SCAI: variants seen among roughly 807,000 people sequenced by gnomAD.
SCAI encodes protein SCAI.
A neutral mutation model predicts 92.2 loss-of-function variants in SCAI; 24 were observed. The observed-to-expected ratio is 0.26, with a 90% CI of 0.19 to 0.37. The LOEUF is 0.37. Ranked by LOEUF, SCAI falls within the 10% of genes least tolerant of loss-of-function variation. SCAI has a pLI of 1.00. For synonymous variants in SCAI, 261 were observed against 258.6 expected (o/e 1.01, Z -0.09); for missense variants, 450 against 736.2 (o/e 0.61, Z 4.50).
At chr9:124,981,880 A>C (rs2131601869) in intron 14 of SCAI, among the ~76,000 whole-genome samples, 1 of 152,154 alleles carries the variant, frequency 6.6e-6, no homozygotes, top group South Asian at 2.1e-4. Context: ...CTTGGCCTCT[A>C]GCAATCCTCG....
chr9:124,966,964 T>C (rs764570275), intron 17 of SCAI, among the ~76,000 whole-genome samples: 32 of 151,478 alleles, frequency 2.1e-4, no homozygotes, highest in Non-Finnish European at 3.7e-4. Flanking sequence ...TATTCACCCA[T>C]TGGAAAAGCC....
At chr9:124,977,479 G>T (rs1220343816) in intron 14 of SCAI, among the ~76,000 whole-genome samples, 1 of 152,096 alleles carries the variant, frequency 6.6e-6, no homozygotes, top group Non-Finnish European at 1.5e-5. Context: ...TTTGAGACCA[G>T]CCTGGGCAAA....
At chr9:125,128,501 C>T (rs910532348) in intron 2 of SCAI, among the ~76,000 whole-genome samples, 1 of 152,030 alleles carries the variant, frequency 6.6e-6, no homozygotes, top group African/African-American at 2.4e-5. Context: ...CGCCTGTAAT[C>T]CCAGCACTTT....
intron 2 of SCAI, among the ~76,000 whole-genome samples, chr9:125,071,921 C>G (rs1833986376): frequency 6.6e-6 from 1 of 152,026 alleles, no homozygotes; most frequent in Non-Finnish European, 1.5e-5. Flanking sequence ...GGCAAAAGAA[C>G]AAATTACTTT....
intron 3 of SCAI, among the ~76,000 whole-genome samples, chr9:125,042,612 A>AGTGTGTGTGTGT (rs1221206087): frequency 3.4e-4 from 24 of 71,034 alleles, no homozygotes; most frequent in African/African-American, 8.4e-4. Flanking sequence ...CTTCCACCAG[A>AGTGTGTGTGTGT]GTATGTGTGT....
In SCAI at chr9:125,082,604, C is replaced by T. The variant is rs1014493305; in HGVS notation, c.99-26597G>A. ...CCCATGAAAGCAGCCGGGAGGGACA[C>T]TATACCCTGCAAAGTCACAGGGGCA... On this transcript the variant is annotated intron_variant, in intron 2 of 17. Coordinates refer to ENST00000336505, the MANE Select transcript of SCAI (RefSeq NM_001144877.3). Among the ~76,000 whole-genome samples the T allele has an allele frequency of 2.6e-5, 4 of 152,378 alleles. No homozygotes were observed. In the East Asian group the frequency reaches 5.8e-4, roughly 22 times the overall value.
In SCAI at chr9:124,948,197, A is replaced by G. The variant is rs1254182692; in HGVS notation, c.*4610T>C. ...CTATTGCACAAAGGAAATAAAGGGC[A>G]GTAGCCAGAAGTTGGAGGGGAGGGA... On this transcript the variant is annotated 3_prime_UTR_variant, in exon 18 of 18. Coordinates refer to ENST00000336505, the MANE Select transcript of SCAI (RefSeq NM_001144877.3). 6.6e-6 allele frequency: 1 copy of G among 152,248 alleles called. No individual in the cohort carries two copies. The highest frequency in any genetic ancestry group is 2.4e-5 in the African/African-American group (1 of 41,476). The allele number at this position is 152,248 out of a possible 1,614,324, so 9.4% of individuals were successfully genotyped here. A position where few individuals can be genotyped will look rare whatever the true frequency, so the allele number is the denominator to read the frequency against.
chr9:124,950,272 CAGAGTTGGAGA>C lies in SCAI; in HGVS notation c.*2524_*2534del, dbSNP rs1831213212. 6.6e-6 allele frequency: 1 copy of C among 151,968 alleles called. No individual in the cohort carries two copies. The highest frequency in any genetic ancestry group is 2.4e-5 in the African/African-American group (1 of 41,352). 9.4% of individuals were successfully genotyped at this position (151,968 alleles called of 1,614,324 possible). A position where few individuals can be genotyped will look rare whatever the true frequency, so the allele number is the denominator to read the frequency against. On this transcript the variant is annotated 3_prime_UTR_variant, in exon 18 of 18. Coordinates refer to ENST00000336505, the MANE Select transcript of SCAI (RefSeq NM_001144877.3). The stretch of plus-strand genomic sequence containing the variant: ...GAACCAAGAGTCCAAATTACAGAAT[CAGAGTTGGAGA>C]AGACCTGGGCCAACCTCTTCATTTT...
intron 17 of SCAI, among the ~76,000 whole-genome samples, chr9:124,953,668 C>G (rs903596911): frequency 1.2e-4 from 19 of 152,226 alleles, no homozygotes; most frequent in African/African-American, 4.6e-4. Flanking sequence ...CCGCCTCAGC[C>G]TCCCAAAGTG....
At chr9:124,979,235 G>C (rs114180082) in intron 14 of SCAI, among the ~76,000 whole-genome samples, 73 of 151,946 alleles carry the variant, frequency 4.8e-4, no homozygotes, top group African/African-American at 1.7e-3. Context: ...ATATAACTAA[G>C]AAAACTAAAG....
chr9:124,960,424 T>G (rs117456501), intron 17 of SCAI, among the ~76,000 whole-genome samples: 1,725 of 152,282 alleles, frequency 0.011, 88 homozygotes, highest in Admixed American at 0.083. Context: ...ACAACTGCCA[T>G]GTATTCATCA....
At chr9:124,980,600 G>T (rs1252532603) in intron 14 of SCAI, among the ~76,000 whole-genome samples, 1 of 152,082 alleles carries the variant, frequency 6.6e-6, no homozygotes, top group Non-Finnish European at 1.5e-5. Context: ...TAAAAACCCT[G>T]GTTGCTGAGT....
At chr9:125,033,440 G>C (rs1833124508) in intron 3 of SCAI, among the ~76,000 whole-genome samples, 1 of 151,988 alleles carries the variant, frequency 6.6e-6, no homozygotes, top group South Asian at 2.1e-4. Context: ...GATGTATTAT[G>C]GGAACTAGTA....
At chr9:125,007,548 G>A (rs1588147824) in intron 9 of SCAI, among the ~76,000 whole-genome samples, 1 of 152,072 alleles carries the variant, frequency 6.6e-6, no homozygotes, top group East Asian at 1.9e-4. Context: ...TTTTTGGAAG[G>A]CTGAGGCAGG....
At chr9:125,130,790 G>A (rs1414223539) in intron 2 of SCAI, among the ~76,000 whole-genome samples, 1 of 151,508 alleles carries the variant, frequency 6.6e-6, no homozygotes, top group East Asian at 1.9e-4. Context: ...GCCAAGACTG[G>A]AAAACTCTTA....
chr9:125,123,450 T>C (rs1406375295), intron 2 of SCAI, among the ~76,000 whole-genome samples: 1 of 151,654 alleles, frequency 6.6e-6, no homozygotes, highest in Admixed American at 6.6e-5. Flanking sequence ...ATGATGACTC[T>C]ATAGTTTGGA....
intron 6 of SCAI, among the ~76,000 whole-genome samples, chr9:125,025,879 C>T (rs572608412): frequency 6.6e-6 from 1 of 152,348 alleles, no homozygotes; most frequent in South Asian, 2.1e-4. Context: ...CATGTCAAAA[C>T]TGTTTTCTTC....
At chr9:125,013,982 C>T (rs1832694974) in intron 9 of SCAI, among the ~76,000 whole-genome samples, 2 of 151,662 alleles carry the variant, frequency 1.3e-5, no homozygotes, top group South Asian at 4.2e-4. Context: ...TTCAACAACG[C>T]TTCATGCTAA....
At chr9:124,978,630 A>C (rs930354375) in intron 14 of SCAI, among the ~76,000 whole-genome samples, 5 of 152,202 alleles carry the variant, frequency 3.3e-5, no homozygotes, top group African/African-American at 1.2e-4. Flanking sequence ...GAAATTCCCA[A>C]ACTAGAAATT....
Sources: gnomAD v4.1 joint callset for allele counts (sites outside exome capture counted in the v4.1 genomes callset) on GRCh38, gnomAD v4.1.1 for gene constraint, MANE v1.5 for transcripts, NCBI Gene and HGNC (gene_info 2026-07-23, HGNC 2026-07-21) for gene names.